Variants in ARHGAP15 observed in about 807,000 individuals in gnomAD.
ARHGAP15 encodes the protein rho GTPase-activating protein 15.
Under a neutral mutation model 63.7 loss-of-function variants are expected in ARHGAP15, and 51 were observed. The observed-to-expected ratio is 0.80, with a 90% CI of 0.64 to 1.01. The LOEUF (loss-of-function observed/expected upper bound fraction) is 1.01, where lower values mean the gene tolerates loss of function less well. Among genes scored for constraint, ARHGAP15 ranks in the 50% least tolerant of loss-of-function variants. The pLI is 0.00. For missense variants in ARHGAP15, 560 were observed against 564.6 expected (o/e 0.99, Z 0.08); for synonymous variants, 191 against 193.8 (o/e 0.99, Z 0.12).
intron 12 of ARHGAP15, among the ~76,000 whole-genome samples, chr2:143,633,820 A>T (rs562006426): frequency 7.9e-5 from 12 of 152,232 alleles, no homozygotes; most frequent in African/African-American, 2.6e-4. Flanking sequence ...GAGGCCTTCT[A>T]TCCTACACTG....
intron 5 of ARHGAP15, among the ~76,000 whole-genome samples, chr2:143,245,419 G>C (rs773866507): frequency 6.6e-6 from 1 of 152,154 alleles, no homozygotes; most frequent in Non-Finnish European, 1.5e-5. Flanking sequence ...GATTGTTTTT[G>C]TTGACCTTAA....
At position 143,323,894 on chromosome 2, in the gene ARHGAP15, CAAAAAAAAAAAA is replaced by C. The variant is rs55804357; in HGVS notation, c.474+73312_474+73323del. ...TGGGTGACAGAGCAAGACTCCGTCTCAAAAAAAAAAAAAAAAAAAAAAAAAAAAACACCTAAA... is the reference window on the plus strand; with the variant it reads ...TGGGTGACAGAGCAAGACTCCGTCTCAAAAAAAAAAAAAAAAACACCTAAA... On this transcript the variant is annotated intron_variant, in intron 6 of 13. Coordinates refer to ENST00000295095, the MANE Select transcript of ARHGAP15 (RefSeq NM_018460.4). 2.5e-3 allele frequency among the ~76,000 whole-genome samples: 65 copies of C among 26,178 alleles called. 1 individual carries two copies. The highest frequency in any genetic ancestry group is 0.011 in the African/African-American group (60 of 5,280). The allele number at this position is 26,178 out of a possible 152,430, so 17.2% of individuals were successfully genotyped here. A position where few individuals can be genotyped will look rare whatever the true frequency, so the allele number is the denominator to read the frequency against.
intron 2 of ARHGAP15, among the ~76,000 whole-genome samples, chr2:143,194,082 G>A (rs1235407731): frequency 2.0e-5 from 3 of 152,148 alleles, no homozygotes; most frequent in Admixed American, 6.5e-5. Flanking sequence ...ATAGCCAAAT[G>A]GTGATTTGAC....
chr2:143,676,177 A>C (rs1242995488), intron 12 of ARHGAP15: 1 of 154,144 alleles, frequency 6.5e-6, no homozygotes, highest in Non-Finnish European at 1.4e-5. Context: ...TTGCAATTGA[A>C]GAGAGTTAGG....
chr2:143,548,992 G>A (rs1362852316), intron 10 of ARHGAP15, among the ~76,000 whole-genome samples: 1 of 152,008 alleles, frequency 6.6e-6, no homozygotes, highest in Non-Finnish European at 1.5e-5. Flanking sequence ...CACAGAAAAG[G>A]ACAAGAGTAA....
At chr2:143,730,671 TC>T (rs1474861958) in intron 13 of ARHGAP15, among the ~76,000 whole-genome samples, 1 of 152,094 alleles carries the variant, frequency 6.6e-6, no homozygotes, top group Non-Finnish European at 1.5e-5. Context: ...ATGACTTGGT[TC>T]AAGGGGCTTC....
intron 6 of ARHGAP15, among the ~76,000 whole-genome samples, chr2:143,360,219 TAAAA>T (rs34612735): frequency 7.3e-6 from 1 of 137,912 alleles, no homozygotes. Flanking sequence ...TACAAGGAAT[TAAAA>T]AAAAAAAAAA....
At chr2:143,410,638 T>C (rs1486126698) in intron 6 of ARHGAP15, among the ~76,000 whole-genome samples, 2 of 152,090 alleles carry the variant, frequency 1.3e-5, no homozygotes, top group Non-Finnish European at 2.9e-5. Context: ...CCATGGAGTT[T>C]ATATCCTAAT....
chr2:143,443,944 T>G (rs1690015314), intron 8 of ARHGAP15, among the ~76,000 whole-genome samples: 1 of 152,192 alleles, frequency 6.6e-6, no homozygotes, highest in Non-Finnish European at 1.5e-5. Flanking sequence ...AGGACTTCAT[T>G]ATGAGCTGAG....
chr2:143,743,412 C>T (rs912240452), intron 13 of ARHGAP15, among the ~76,000 whole-genome samples: 2 of 152,176 alleles, frequency 1.3e-5, no homozygotes, highest in South Asian at 2.1e-4. Flanking sequence ...CATGCTACTT[C>T]GGTCATGTGT....
At chr2:143,527,216 A>T (rs1400695840) in intron 10 of ARHGAP15, among the ~76,000 whole-genome samples, 1 of 152,096 alleles carries the variant, frequency 6.6e-6, no homozygotes, top group East Asian at 1.9e-4. Flanking sequence ...AGACATACAG[A>T]TTCCAGGTGA....
At chr2:143,240,892 A>G (rs550074392) in intron 5 of ARHGAP15, among the ~76,000 whole-genome samples, 9 of 152,322 alleles carry the variant, frequency 5.9e-5, no homozygotes, top group Admixed American at 1.3e-4. Flanking sequence ...TAACTATAAT[A>G]AATTCTGTAA....
intron 2 of ARHGAP15, among the ~76,000 whole-genome samples, chr2:143,170,278 A>G (rs1396248302): frequency 1.3e-5 from 2 of 152,150 alleles, no homozygotes; most frequent in African/African-American, 4.8e-5. Flanking sequence ...ATTCACAGTG[A>G]GCTCTTACAT....
At chr2:143,246,385 C>T (rs1694043898) in intron 5 of ARHGAP15, among the ~76,000 whole-genome samples, 1 of 151,702 alleles carries the variant, frequency 6.6e-6, no homozygotes, top group East Asian at 2.0e-4. Flanking sequence ...TGTGACTGTT[C>T]CAGCACAAGG....
chr2:143,415,422 C>T (rs1388475849), intron 6 of ARHGAP15, among the ~76,000 whole-genome samples: 1 of 151,732 alleles, frequency 6.6e-6, no homozygotes, highest in African/African-American at 2.4e-5. Context: ...TATAAGACAG[C>T]ACCTCGAAAT....
intron 11 of ARHGAP15, among the ~76,000 whole-genome samples, chr2:143,560,251 A>G (rs996721070): frequency 6.6e-6 from 1 of 152,208 alleles, no homozygotes; most frequent in Non-Finnish European, 1.5e-5. Flanking sequence ...CCTAATTATA[A>G]CTAGTAATGA....
At chr2:143,390,200 T>C (rs757714168) in intron 6 of ARHGAP15, among the ~76,000 whole-genome samples, 1 of 152,144 alleles carries the variant, frequency 6.6e-6, no homozygotes, top group Non-Finnish European at 1.5e-5. Context: ...CCACTTTCCC[T>C]CTCCTGCATA....
intron 12 of ARHGAP15, among the ~76,000 whole-genome samples, chr2:143,654,061 T>C (rs1188770321): frequency 6.6e-6 from 1 of 152,170 alleles, no homozygotes; most frequent in African/African-American, 2.4e-5. Context: ...AGGGAGTCAG[T>C]GAAGAAGCTA....
At chr2:143,290,796 G>A (rs902022137) in intron 6 of ARHGAP15, among the ~76,000 whole-genome samples, 2 of 152,078 alleles carry the variant, frequency 1.3e-5, no homozygotes, top group Admixed American at 1.3e-4. Context: ...GAATGGGTTA[G>A]GCTGAGGATA....
Sources: allele counts gnomAD v4.1 joint callset (sites outside exome capture counted in the v4.1 genomes callset), GRCh38; gene constraint gnomAD v4.1.1; transcripts MANE v1.5; gene names NCBI Gene and HGNC (gene_info 2026-07-23, HGNC 2026-07-21).